HUNK: variants seen among roughly 807,000 people sequenced by gnomAD.
HUNK encodes the protein hormonally up-regulated neu tumor-associated kinase.
In HUNK, 21 loss-of-function variants were observed where a neutral mutation model predicts 61.0. That is an observed-to-expected ratio of 0.34 (90% CI 0.24 to 0.50). The LOEUF is 0.50. HUNK is among the 20% of genes least tolerant of loss of function. HUNK has a pLI of 0.98. For missense variants in HUNK, 772 were observed against 945.7 expected, an observed-to-expected ratio of 0.82 and a Z score of 2.41; for synonymous variants, 371 against 386.1, an observed-to-expected ratio of 0.96 and a Z score of 0.46.
intron 8 of HUNK, among the ~76,000 whole-genome samples, chr21:31,984,720 G>A (rs1330695769): frequency 6.6e-6 from 1 of 152,178 alleles, no homozygotes; most frequent in Non-Finnish European, 1.5e-5. Flanking sequence ...TGCCAAGTGA[G>A]CTTTTCTTTC....
chr21:31,886,020 G>A (rs189666050), intron 1 of HUNK, among the ~76,000 whole-genome samples: 37 of 152,282 alleles, frequency 2.4e-4, no homozygotes, highest in Non-Finnish European at 3.7e-4. Context: ...CTATAGACGT[G>A]AGCCACCACG....
chr21:31,995,376 A>G (rs2053197433), intron 9 of HUNK, among the ~76,000 whole-genome samples: 1 of 152,222 alleles, frequency 6.6e-6, no homozygotes, highest in South Asian at 2.1e-4. Context: ...TTATGTTTCC[A>G]GTTGCCTTTG....
intron 1 of HUNK, among the ~76,000 whole-genome samples, chr21:31,907,017 A>G (rs1008195078): frequency 1.3e-5 from 2 of 152,094 alleles, no homozygotes; most frequent in East Asian, 1.9e-4. Flanking sequence ...TCTACTAAAA[A>G]TAGAAAAATT....
In HUNK at chr21:31,999,226, C is replaced by T. The variant is rs548717468; in HGVS notation, c.*42C>T. Reference sequence around the variant, plus strand: ...TTGGGGTATCTCTAGAAAACAGCAACTGAACAGAGCTCCACACATCTGTCA... The same window carrying T: ...TTGGGGTATCTCTAGAAAACAGCAATTGAACAGAGCTCCACACATCTGTCA... On this transcript the variant is annotated 3_prime_UTR_variant, in exon 11 of 11. Coordinates refer to ENST00000270112, the MANE Select transcript of HUNK (RefSeq NM_014586.2). The T allele has an allele frequency of 1.1e-4, 163 of 1,526,876 alleles. No individual in the cohort carries two copies. In the African/African-American group the frequency reaches 1.1e-3, roughly 10 times the overall value. 94.6% of individuals were successfully genotyped at this position (1,526,876 alleles called of 1,614,324 possible). A position where few individuals can be genotyped will look rare whatever the true frequency, so the allele number is the denominator to read the frequency against.
chr21:31,916,043 C>CTTTTTTTTTTT (rs34245381), intron 1 of HUNK, among the ~76,000 whole-genome samples: 4 of 81,772 alleles, frequency 4.9e-5, no homozygotes, highest in Non-Finnish European at 6.3e-5. Flanking sequence ...TAAGTGCTTT[C>CTTTTTTTTTTT]TTTTTTTTTT....
intron 4 of HUNK, among the ~76,000 whole-genome samples, chr21:31,948,855 G>T (rs2052828705): frequency 1.3e-5 from 2 of 152,168 alleles, no homozygotes; most frequent in African/African-American, 4.8e-5. Flanking sequence ...AAACAGACCA[G>T]AATGAGATGT....
At chr21:31,931,609 C>G (rs1442310274) in intron 2 of HUNK, among the ~76,000 whole-genome samples, 1 of 152,084 alleles carries the variant, frequency 6.6e-6, no homozygotes, top group African/African-American at 2.4e-5. Flanking sequence ...AGCACCTGTC[C>G]TTACTCCCTT....
At position 31,873,687 on chromosome 21, in the gene HUNK, G is replaced by A. The variant is rs2052232798; in HGVS notation, c.13G>A (p.Ala5Thr). ...CGCGGCGAGCGCGATGCCGGCGGCG[G>A]CGGGGGACGGGCTCCTGGGGGAGCC... MPAA[A>T]GDGLLGEPAA... is the part of the protein sequence containing the mutation. The change falls in exon 1 of 11, where the codon GCG (alanine) becomes ACG (threonine). Residue 5 changes from alanine to threonine, a missense_variant. Ala to Thr is a moderately conservative substitution (Grantham distance 58). Coordinates refer to ENST00000270112, the MANE Select transcript of HUNK (RefSeq NM_014586.2). The surrounding 1 kb of genome is among the most constrained non-coding windows in gnomAD (Gnocchi z 6.1). 9.5e-7 allele frequency: 1 copy of A among 1,054,010 alleles called. No homozygotes were observed. The highest frequency in any genetic ancestry group is 1.1e-6 in the Non-Finnish European group (1 of 874,776). The allele number at this position is 1,054,010 out of a possible 1,614,324, so 65.3% of individuals were successfully genotyped here.
intron 1 of HUNK, among the ~76,000 whole-genome samples, chr21:31,893,081 A>T (rs944677491): frequency 6.6e-6 from 1 of 152,162 alleles, no homozygotes; most frequent in African/African-American, 2.4e-5. Flanking sequence ...AAATCGACAT[A>T]AGACAGAGTA....
chr21:31,875,647 G>A (rs1162442630), intron 1 of HUNK, among the ~76,000 whole-genome samples: 2 of 152,202 alleles, frequency 1.3e-5, no homozygotes, highest in African/African-American at 4.8e-5. Flanking sequence ...GCTAATTAGA[G>A]TGAGCTCTCT....
chr21:31,914,179 G>A (rs935048723), intron 1 of HUNK, among the ~76,000 whole-genome samples: 2 of 151,938 alleles, frequency 1.3e-5, no homozygotes, highest in Non-Finnish European at 2.9e-5. Flanking sequence ...AGGCCAAGGC[G>A]GGCGGATCAC....
At chr21:31,881,718 T>C (rs1313069931) in intron 1 of HUNK, among the ~76,000 whole-genome samples, 2 of 152,178 alleles carry the variant, frequency 1.3e-5, no homozygotes, top group East Asian at 3.8e-4. Context: ...TAGCATTTAG[T>C]CCTTCTATCT....
At chr21:31,935,485 A>G (rs974353248) in intron 2 of HUNK, among the ~76,000 whole-genome samples, 4 of 152,210 alleles carry the variant, frequency 2.6e-5, no homozygotes, top group African/African-American at 9.7e-5. Flanking sequence ...ATAAATGCAC[A>G]GTATCATGTA....
At chr21:31,933,835 G>C (rs1465048343) in intron 2 of HUNK, among the ~76,000 whole-genome samples, 2 of 151,816 alleles carry the variant, frequency 1.3e-5, no homozygotes, top group Non-Finnish European at 2.9e-5. Flanking sequence ...TATGCCACAG[G>C]GGGAGCTCTT....
rs544617377 is a variant in HUNK, at chr21:31,896,607, C to T, written c.261+22672C>T. On this transcript the variant is annotated intron_variant, in intron 1 of 10. Coordinates refer to ENST00000270112, the MANE Select transcript of HUNK (RefSeq NM_014586.2). Reference sequence around the variant, plus strand: ...ACAAACAAAAACAAGAAAATGTTGTCCCTCTAGTGGTTTCTTGGTTTCCCT... The same window carrying T: ...ACAAACAAAAACAAGAAAATGTTGTTCCTCTAGTGGTTTCTTGGTTTCCCT... Among the ~76,000 whole-genome samples the T allele has an allele frequency of 4.3e-4, 65 of 152,314 alleles. 3 individuals are homozygous for T. The South Asian group carries it at 0.013, about 30-fold the overall frequency.
intron 1 of HUNK, among the ~76,000 whole-genome samples, chr21:31,881,948 C>T (rs1441506504): frequency 6.6e-6 from 1 of 152,144 alleles, no homozygotes; most frequent in Non-Finnish European, 1.5e-5. Context: ...TGAAAGCTCA[C>T]TTTATATGTA....
intron 4 of HUNK, among the ~76,000 whole-genome samples, chr21:31,957,416 G>A (rs1245968592): frequency 6.6e-6 from 1 of 152,176 alleles, no homozygotes; most frequent in African/African-American, 2.4e-5. Context: ...TGAAATTTGC[G>A]AATGATTTCT....
At chr21:31,974,783 T>G in intron 7 of HUNK, 66 bp downstream of exon 7, 3 of 1,432,168 alleles carry the variant, frequency 2.1e-6, no homozygotes, top group Middle Eastern at 3.7e-4. Flanking sequence ...ACACCCAAAG[T>G]GCTTCTCAGT....
chr21:31,920,952 G>A (rs530848382), intron 1 of HUNK, among the ~76,000 whole-genome samples: 3 of 152,102 alleles, frequency 2.0e-5, no homozygotes, highest in African/African-American at 7.2e-5. Context: ...AGGAGTTTGA[G>A]ACTAGCCTGG....
Sources: allele counts gnomAD v4.1 joint callset (sites outside exome capture counted in the v4.1 genomes callset), GRCh38; gene constraint gnomAD v4.1.1; non-coding constraint Gnocchi (gnomAD v3.1); transcripts MANE v1.5; gene names NCBI Gene and HGNC (gene_info 2026-07-23, HGNC 2026-07-21).